ZNF536: variants seen among roughly 807,000 people sequenced by gnomAD.
The protein encoded by ZNF536 is zinc finger protein 536.
ZNF536 carries 13 observed loss-of-function variants against 84.5 expected under a neutral mutation model. That is an observed-to-expected ratio of 0.15 (90% CI 0.10 to 0.24). The LOEUF is 0.24. ZNF536 is among the 10% of genes least tolerant of loss of function. The pLI, the probability that ZNF536 is intolerant of heterozygous loss-of-function variation, is 1.00. For synonymous variants in ZNF536, 811 were observed against 742.5 expected, an observed-to-expected ratio of 1.09 and a Z score of -1.50; for missense variants, 1,536 against 1,747.5, an observed-to-expected ratio of 0.88 and a Z score of 2.16.
chr19:30,421,987 A>C (rs1020234903), intron 1 of ZNF536, among the ~76,000 whole-genome samples: 1 of 152,222 alleles, frequency 6.6e-6, no homozygotes, highest in Non-Finnish European at 1.5e-5. Flanking sequence ...TAAATGCATT[A>C]AAGTAAAAAA....
chr19:30,517,781 C>CA (rs1295791778), intron 2 of ZNF536, among the ~76,000 whole-genome samples: 3 of 151,776 alleles, frequency 2.0e-5, no homozygotes, highest in Admixed American at 1.3e-4. Context: ...GATCCTGTCT[C>CA]AAAAAAATAA....
chr19:30,600,059 G>A (rs182893532), intron 1 of ZNF536, among the ~76,000 whole-genome samples: 6,367 of 150,488 alleles, frequency 0.042, 467 homozygotes, highest in African/African-American at 0.15. Flanking sequence ...TTTTTTTGTT[G>A]TTGTTGTTGT....
At chr19:30,533,273 C>A (rs752166652) in intron 2 of ZNF536, among the ~76,000 whole-genome samples, 5 of 152,116 alleles carry the variant, frequency 3.3e-5, no homozygotes, top group African/African-American at 9.7e-5. Context: ...ATAATCCTAG[C>A]TCTTTGGGAG....
At chr19:30,466,585 A>G (rs1030678401) in intron 2 of ZNF536, among the ~76,000 whole-genome samples, 14 of 68,210 alleles carry the variant, frequency 2.1e-4, no homozygotes, top group Non-Finnish European at 3.1e-4. Flanking sequence ...AAAGAAAGAA[A>G]GAGAGAGAGA....
intron 1 of ZNF536, among the ~76,000 whole-genome samples, chr19:30,380,771 T>A (rs2048992055): frequency 6.6e-6 from 1 of 152,252 alleles, no homozygotes; most frequent in South Asian, 2.1e-4. Context: ...CAGGTCTGGC[T>A]GCTTCTCAGC....
rs114619335 is a variant in ZNF536, at chr19:30,365,595, A to T, written c.-3+13111A>T. Reference sequence around the variant, plus strand: ...AGCCCACGTCTGCTTCAGACAACCCAGCTGACCACCAGGTCCCGTGTAGCA... The same window carrying T: ...AGCCCACGTCTGCTTCAGACAACCCTGCTGACCACCAGGTCCCGTGTAGCA... On this transcript the variant is annotated intron_variant, in intron 3 of 5. Coordinates refer to the ZNF536 transcript ENST00000585628. Among the ~76,000 whole-genome samples, 797 of 152,286 alleles carry T rather than the reference A, an allele frequency of 5.2e-3. 10 individuals are homozygous for T. The highest frequency in any genetic ancestry group is 0.019 in the African/African-American group (772 of 41,562).
chr19:30,627,303 A>C (rs1389661743), intron 1 of ZNF536, among the ~76,000 whole-genome samples: 6 of 148,990 alleles, frequency 4.0e-5, no homozygotes, highest in Non-Finnish European at 7.4e-5. Context: ...CCATCTCTAC[A>C]AAAAAAAATA....
At chr19:30,330,622 C>T (rs1455713021) in intron 2 of ZNF536, among the ~76,000 whole-genome samples, 1 of 152,188 alleles carries the variant, frequency 6.6e-6, no homozygotes, top group Non-Finnish European at 1.5e-5. Flanking sequence ...GACGTTTGGG[C>T]TCTCCCAGGC....
intron 1 of ZNF536, among the ~76,000 whole-genome samples, chr19:30,237,109 G>C (rs1350782945): frequency 6.6e-6 from 1 of 151,756 alleles, no homozygotes; most frequent in Non-Finnish European, 1.5e-5. Context: ...AAAAATACCA[G>C]GCCCCTGTGT....
rs530587592 is a variant in ZNF536 at position 30,538,945 on chromosome 19, T to C, written c.2323+3946T>C. 2.1e-4 allele frequency among the ~76,000 whole-genome samples: 32 copies of C among 152,048 alleles called. No homozygotes were observed. The South Asian group carries it at 6.5e-3, about 31-fold the overall frequency. ...ATATATGGCCAGGCACAGTGGCTCA[T>C]ACCTGTAATCCCAGCACTTTGGGAG... On this transcript the variant is annotated intron_variant, in intron 3 of 4. Coordinates refer to ENST00000355537, the MANE Select transcript of ZNF536 (RefSeq NM_014717.3).
chr19:30,425,440 C>T (rs2051171131), intron 1 of ZNF536, among the ~76,000 whole-genome samples: 1 of 152,162 alleles, frequency 6.6e-6, no homozygotes, highest in Admixed American at 6.5e-5. Flanking sequence ...TGTATTGACT[C>T]ATATCAGTGC....
At chr19:30,685,237 CCT>C (rs1555837478) in intron 1 of ZNF536, among the ~76,000 whole-genome samples, 5 of 152,274 alleles carry the variant, frequency 3.3e-5, no homozygotes, top group Admixed American at 1.3e-4. Flanking sequence ...CGACTGCACC[CCT>C]GTCTCCCATG....
intron 1 of ZNF536, among the ~76,000 whole-genome samples, chr19:30,597,372 C>T (rs188726646): frequency 6.6e-6 from 1 of 152,358 alleles, no homozygotes; most frequent in Admixed American, 6.5e-5. Flanking sequence ...CCATCATGGG[C>T]ATCCCCCTCT....
At chr19:30,402,523 C>T (rs1315025512) in intron 1 of ZNF536, among the ~76,000 whole-genome samples, 1 of 151,836 alleles carries the variant, frequency 6.6e-6, no homozygotes, top group Admixed American at 6.6e-5. Context: ...CATTTCTTTC[C>T]TCCTAAAAGT....
intron 2 of ZNF536, among the ~76,000 whole-genome samples, chr19:30,446,271 A>AAAAAAAG (rs1555767559): frequency 2.7e-5 from 4 of 147,160 alleles, no homozygotes; most frequent in Non-Finnish European, 4.5e-5. Context: ...AAAAAAAAAA[A>AAAAAAAG]AAAGAAAGAA....
intron 1 of ZNF536, among the ~76,000 whole-genome samples, chr19:30,431,377 C>T (rs1027004459): frequency 3.9e-5 from 6 of 152,182 alleles, no homozygotes; most frequent in Admixed American, 1.3e-4. Context: ...TTAGCCTCAG[C>T]GCAGAAATTG....
intron 1 of ZNF536, among the ~76,000 whole-genome samples, chr19:30,425,259 G>A (rs1039560822): frequency 3.3e-5 from 5 of 151,932 alleles, no homozygotes; most frequent in African/African-American, 1.2e-4. Context: ...AAACAAAGAT[G>A]GGAGTGCCTT....
chr19:30,433,326 C>G (rs1450185770), intron 1 of ZNF536, among the ~76,000 whole-genome samples: 1 of 152,174 alleles, frequency 6.6e-6, no homozygotes, highest in Non-Finnish European at 1.5e-5. Flanking sequence ...CATCCATCTT[C>G]CCCCCACTTC....
At chr19:30,612,364 C>T (rs1430669132) in intron 1 of ZNF536, among the ~76,000 whole-genome samples, 1 of 152,214 alleles carries the variant, frequency 6.6e-6, no homozygotes, top group Non-Finnish European at 1.5e-5. Flanking sequence ...CCATACCCAA[C>T]ATTTCTATCC....
Sources: gnomAD v4.1 joint callset for allele counts (sites outside exome capture counted in the v4.1 genomes callset) on GRCh38, gnomAD v4.1.1 for gene constraint, MANE v1.5 for transcripts, NCBI Gene and HGNC (gene_info 2026-07-23, HGNC 2026-07-21) for gene names.